ERC2: variants seen among roughly 807,000 people sequenced by gnomAD.
ERC2 encodes the protein ERC protein 2.
ERC2 carries 42 observed loss-of-function variants against 114.8 expected under a neutral mutation model. That is an observed-to-expected ratio of 0.37 (90% CI 0.29 to 0.47). The LOEUF is 0.47. Ranked by LOEUF, ERC2 falls within the 20% of genes least tolerant of loss-of-function variation. The probability of loss-of-function intolerance (pLI) is 0.99; values close to 1 mark genes in which losing one functional copy is unlikely to be tolerated. For synonymous variants in ERC2, 454 were observed against 425.5 expected (o/e 1.07, Z -0.82); for missense variants, 939 against 1,150.7 (o/e 0.82, Z 2.66).
intron 17 of ERC2, among the ~76,000 whole-genome samples, chr3:55,521,635 C>T (rs1479145036): frequency 6.6e-6 from 1 of 152,216 alleles, no homozygotes; most frequent in Non-Finnish European, 1.5e-5. Flanking sequence ...TGTAACTGCT[C>T]ATGAGACCAA....
chr3:55,972,997 T>C (rs528526511), intron 12 of ERC2, among the ~76,000 whole-genome samples: 41 of 152,212 alleles, frequency 2.7e-4, no homozygotes, highest in Non-Finnish European at 4.4e-4. Flanking sequence ...TTTATGTACT[T>C]AGGGTTTAAG....
At chr3:55,966,107 C>T (rs1004623990) in intron 12 of ERC2, among the ~76,000 whole-genome samples, 4 of 152,078 alleles carry the variant, frequency 2.6e-5, no homozygotes, top group Non-Finnish European at 5.9e-5. Context: ...ATGTTAATAA[C>T]GTTACCAAAA....
intron 3 of ERC2, among the ~76,000 whole-genome samples, chr3:56,193,175 C>T (rs2047894938): frequency 6.6e-6 from 1 of 152,086 alleles, no homozygotes; most frequent in Non-Finnish European, 1.5e-5. Flanking sequence ...AGTGTGTACT[C>T]CTTGTTTTAA....
At chr3:55,575,835 A>C (rs570052022) in intron 17 of ERC2, among the ~76,000 whole-genome samples, 2 of 152,220 alleles carry the variant, frequency 1.3e-5, no homozygotes, top group Admixed American at 1.3e-4. Context: ...ACTTTGTGCC[A>C]AGCCCTGGGC....
intron 6 of ERC2, among the ~76,000 whole-genome samples, chr3:56,102,313 A>C (rs538306969): frequency 6.6e-6 from 1 of 152,340 alleles, no homozygotes; most frequent in African/African-American, 2.4e-5. Context: ...TGCTAGGGAC[A>C]GAGCTTCACA....
intron 14 of ERC2, among the ~76,000 whole-genome samples, chr3:55,744,049 G>A (rs1233656519): frequency 6.6e-6 from 1 of 152,182 alleles, no homozygotes; most frequent in African/African-American, 2.4e-5. Flanking sequence ...TGGCAGATGG[G>A]AAGTTGGCTG....
intron 3 of ERC2, among the ~76,000 whole-genome samples, chr3:56,279,631 CT>C (rs1364859330): frequency 6.6e-6 from 1 of 152,190 alleles, no homozygotes; most frequent in African/African-American, 2.4e-5. Flanking sequence ...AGGCAGGGGC[CT>C]TGTAAGCCAG....
At chr3:56,190,880 T>A (rs1411867028) in intron 3 of ERC2, among the ~76,000 whole-genome samples, 4 of 152,116 alleles carry the variant, frequency 2.6e-5, no homozygotes, top group Non-Finnish European at 5.9e-5. Context: ...AGCCAAGTGT[T>A]AGCTATTTAA....
At chr3:56,215,262 G>A (rs939034987) in intron 3 of ERC2, among the ~76,000 whole-genome samples, 6 of 152,100 alleles carry the variant, frequency 3.9e-5, no homozygotes, top group Non-Finnish European at 4.4e-5. Flanking sequence ...CATGTGTAGA[G>A]ACACACATAG....
At chr3:56,407,954 C>G (rs2060792343) in intron 2 of ERC2, among the ~76,000 whole-genome samples, 1 of 152,196 alleles carries the variant, frequency 6.6e-6, no homozygotes, top group Non-Finnish European at 1.5e-5. Flanking sequence ...GTCACCTCCA[C>G]AGGGAAGCCT....
intron 7 of ERC2, among the ~76,000 whole-genome samples, chr3:56,039,761 T>C (rs1302534105): frequency 2.0e-5 from 3 of 152,152 alleles, no homozygotes; most frequent in African/African-American, 4.8e-5. Flanking sequence ...AAAGCTATAG[T>C]AATCAAAACA....
At chr3:55,967,678 T>C (rs2068842374) in intron 12 of ERC2, among the ~76,000 whole-genome samples, 1 of 152,074 alleles carries the variant, frequency 6.6e-6, no homozygotes, top group Non-Finnish European at 1.5e-5. Context: ...AGTTCATGAG[T>C]AGGAAACTTG....
At chr3:55,635,149 C>T (rs546132725) in intron 17 of ERC2, among the ~76,000 whole-genome samples, 1 of 152,212 alleles carries the variant, frequency 6.6e-6, no homozygotes, top group South Asian at 2.1e-4. Context: ...TACCAAAGTG[C>T]TGGGATTACA....
At chr3:55,691,573 A>AAAAAAAAT (rs1553631525) in intron 16 of ERC2, among the ~76,000 whole-genome samples, 6 of 39,748 alleles carry the variant, frequency 1.5e-4, no homozygotes, top group Non-Finnish European at 2.3e-4. Flanking sequence ...AAAAAAAAAA[A>AAAAAAAAT]ATATATATAT....
At chr3:56,218,792 T>G (rs558098877) in intron 3 of ERC2, among the ~76,000 whole-genome samples, 1 of 152,210 alleles carries the variant, frequency 6.6e-6, no homozygotes, top group South Asian at 2.1e-4. Context: ...ATATACACCA[T>G]GGAATACGAT....
intron 16 of ERC2, among the ~76,000 whole-genome samples, chr3:55,690,990 A>C (rs1267302781): frequency 6.6e-6 from 1 of 152,244 alleles, no homozygotes; most frequent in Non-Finnish European, 1.5e-5. Context: ...GGAGGCAGTT[A>C]AATACCTCCC....
intron 13 of ERC2, among the ~76,000 whole-genome samples, chr3:55,906,328 C>T (rs1038446784): frequency 2.0e-5 from 3 of 149,246 alleles, no homozygotes; most frequent in Admixed American, 6.7e-5. Context: ...GCTACTCGGG[C>T]GGCTGAGGCA....
At chr3:55,691,574 ATATATATATATAT>A (rs1393347673) in intron 16 of ERC2, among the ~76,000 whole-genome samples, 1 of 48,328 alleles carries the variant, frequency 2.1e-5, no homozygotes, top group African/African-American at 9.4e-5. Flanking sequence ...AAAAAAAAAA[ATATATATATATAT>A]ATATATATAT....
At chr3:55,554,790 A>G (rs780535702) in intron 17 of ERC2, among the ~76,000 whole-genome samples, 5 of 151,876 alleles carry the variant, frequency 3.3e-5, no homozygotes, top group Non-Finnish European at 7.4e-5. Flanking sequence ...GGCTCAGCCT[A>G]GGGGCACTGT....
Sources: gnomAD v4.1 joint callset for allele counts (sites outside exome capture counted in the v4.1 genomes callset) on GRCh38, gnomAD v4.1.1 for gene constraint, MANE v1.5 for transcripts, NCBI Gene and HGNC (gene_info 2026-07-23, HGNC 2026-07-21) for gene names.